Variants in C8orf34 observed in about 807,000 individuals in gnomAD.
The protein encoded by C8orf34 is uncharacterized protein C8orf34.
Under a neutral mutation model 68.3 loss-of-function variants are expected in C8orf34, and 65 were observed. The observed-to-expected ratio is 0.95, with a 90% CI of 0.78 to 1.17. C8orf34 has a LOEUF of 1.17. Among genes scored for constraint, C8orf34 ranks in the 50% most tolerant of loss-of-function variants. The pLI is 0.00. For synonymous variants in C8orf34, 244 were observed against 241.2 expected, an observed-to-expected ratio of 1.01 and a Z score of -0.11; for missense variants, 664 against 655.4, an observed-to-expected ratio of 1.01 and a Z score of -0.14.
At chr8:68,619,923 C>T (rs2130625694) in intron 7 of C8orf34, among the ~76,000 whole-genome samples, 1 of 152,282 alleles carries the variant, frequency 6.6e-6, no homozygotes, top group East Asian at 1.9e-4. Flanking sequence ...TAAATGTTCT[C>T]ATTTACTCCT....
intron 7 of C8orf34, among the ~76,000 whole-genome samples, chr8:68,613,333 T>A (rs1053146609): frequency 6.6e-6 from 1 of 151,416 alleles, no homozygotes; most frequent in Non-Finnish European, 1.5e-5. Flanking sequence ...AGGGTACATG[T>A]GCACAATGTG....
chr8:68,517,601 T>C (rs945011243), intron 5 of C8orf34, among the ~76,000 whole-genome samples: 3 of 152,206 alleles, frequency 2.0e-5, no homozygotes, highest in Non-Finnish European at 4.4e-5. Flanking sequence ...CTCTGTGCTC[T>C]ACTTTTCAAT....
chr8:68,680,479 G>A (rs1401198566), intron 8 of C8orf34, among the ~76,000 whole-genome samples: 3 of 152,162 alleles, frequency 2.0e-5, no homozygotes, highest in Non-Finnish European at 4.4e-5. Flanking sequence ...GTAAGACCGT[G>A]ATGCCCCCCT....
At chr8:68,804,588 C>T (rs1303082183) in intron 12 of C8orf34, among the ~76,000 whole-genome samples, 1 of 151,996 alleles carries the variant, frequency 6.6e-6, no homozygotes, top group Non-Finnish European at 1.5e-5. Flanking sequence ...TGAGACCAGC[C>T]TGGGCAACAT....
At chr8:68,628,969 T>C (rs1341362751) in intron 7 of C8orf34, among the ~76,000 whole-genome samples, 26 of 152,166 alleles carry the variant, frequency 1.7e-4, no homozygotes, top group Admixed American at 1.7e-3. Flanking sequence ...TTTTCCTCAA[T>C]ACAACACACT....
intron 10 of C8orf34, among the ~76,000 whole-genome samples, chr8:68,766,169 TGAGCCAAAAACA>T (rs1467616659): frequency 6.6e-6 from 1 of 152,238 alleles, no homozygotes. Context: ...TAAGGAAATA[TGAGCCAAAAACA>T]TGAGAGACGT....
At chr8:68,744,991 C>T (rs1253342591) in intron 10 of C8orf34, among the ~76,000 whole-genome samples, 2 of 152,048 alleles carry the variant, frequency 1.3e-5, no homozygotes, top group Non-Finnish European at 2.9e-5. Context: ...AGAGAAAGGT[C>T]GGGTTACCCT....
At chr8:68,652,407 C>A (rs1819388793) in intron 8 of C8orf34, among the ~76,000 whole-genome samples, 1 of 152,104 alleles carries the variant, frequency 6.6e-6, no homozygotes, top group African/African-American at 2.4e-5. Context: ...AAAGCTTTTT[C>A]ATTTTGATCA....
intron 10 of C8orf34, among the ~76,000 whole-genome samples, chr8:68,725,507 C>T (rs1252823167): frequency 6.6e-6 from 1 of 152,198 alleles, no homozygotes; most frequent in Non-Finnish European, 1.5e-5. Context: ...TGAGGAAATA[C>T]ATAAAATTGA....
chr8:68,647,709 G>A (rs184528510), intron 8 of C8orf34, among the ~76,000 whole-genome samples: 18 of 152,212 alleles, frequency 1.2e-4, no homozygotes, highest in African/African-American at 4.3e-4. Context: ...ATAACACAAG[G>A]TTTGTTGTTT....
chr8:68,370,678 A>G (rs1469797312), intron 1 of C8orf34, among the ~76,000 whole-genome samples: 1 of 152,152 alleles, frequency 6.6e-6, no homozygotes, highest in Non-Finnish European at 1.5e-5. Flanking sequence ...TGTCAGCCTC[A>G]TTGTTTGCAG....
At chr8:68,356,921 T>C (rs1012666994) in intron 1 of C8orf34, among the ~76,000 whole-genome samples, 1 of 152,138 alleles carries the variant, frequency 6.6e-6, no homozygotes, top group African/African-American at 2.4e-5. Flanking sequence ...ATCTAATTCA[T>C]AGTGACAAGC....
intron 8 of C8orf34, among the ~76,000 whole-genome samples, chr8:68,699,535 C>T (rs1475595753): frequency 6.6e-6 from 1 of 152,030 alleles, no homozygotes; most frequent in African/African-American, 2.4e-5. Context: ...ATAACCTGGC[C>T]AAGGTATGTG....
chr8:68,732,048 T>C lies in C8orf34; in HGVS notation c.1404+10611T>C, dbSNP rs78547633. Among the ~76,000 whole-genome samples the C allele has an allele frequency of 7.7e-3, 1,180 of 152,350 alleles. 19 individuals carry two copies. The highest frequency in any genetic ancestry group is 0.027 in the African/African-American group (1,118 of 41,566). ...TTTATTTGTTTTGATGTGAAGGTGT[T>C]GGGACACACTGGTTAAGATTGCGTC... On this transcript the variant is annotated intron_variant, in intron 10 of 13. Coordinates refer to ENST00000518698, the MANE Select transcript of C8orf34 (RefSeq NM_052958.4).
intron 10 of C8orf34, among the ~76,000 whole-genome samples, chr8:68,746,938 G>A (rs1455239743): frequency 6.6e-6 from 1 of 151,582 alleles, no homozygotes; most frequent in African/African-American, 2.4e-5. Flanking sequence ...CCAAAAAAGA[G>A]AATTTTAGAC....
chr8:68,530,582 T>C, intron 6 of C8orf34: 1 of 1,238,008 alleles, frequency 8.1e-7, no homozygotes, highest in Non-Finnish European at 1.1e-6. Flanking sequence ...CATTGTTACA[T>C]TGTTTCTCAG....
At chr8:68,631,440 G>T (rs2130697845) in intron 7 of C8orf34, among the ~76,000 whole-genome samples, 1 of 152,092 alleles carries the variant, frequency 6.6e-6, no homozygotes, top group Non-Finnish European at 1.5e-5. Flanking sequence ...GAATTGATAT[G>T]TTCCTGCATG....
intron 7 of C8orf34, among the ~76,000 whole-genome samples, chr8:68,633,424 G>C (rs375804402): frequency 3.3e-5 from 5 of 152,044 alleles, no homozygotes; most frequent in African/African-American, 1.2e-4. Context: ...ATAATATTTT[G>C]TTATCTATCT....
chr8:68,805,968 C>G (rs918820387), intron 12 of C8orf34, among the ~76,000 whole-genome samples: 2 of 151,134 alleles, frequency 1.3e-5, no homozygotes, highest in African/African-American at 4.9e-5. Context: ...CTCTTTTATT[C>G]TATTTTAGCT....
Sources: gnomAD v4.1 joint callset for allele counts (sites outside exome capture counted in the v4.1 genomes callset) on GRCh38, gnomAD v4.1.1 for gene constraint, MANE v1.5 for transcripts, NCBI Gene and HGNC (gene_info 2026-07-23, HGNC 2026-07-21) for gene names.